Variants in COL26A1 observed in about 807,000 individuals in gnomAD.
COL26A1 encodes collagen alpha-1(XXVI) chain.
COL26A1 carries 41 observed loss-of-function variants against 59.3 expected under a neutral mutation model. The ratio of observed to expected loss-of-function variants is 0.69; its 90% CI spans 0.54 to 0.90. COL26A1 has a LOEUF of 0.90. Ranked by LOEUF, COL26A1 falls within the 40% of genes least tolerant of loss-of-function variation. The pLI is 0.00. For missense variants in COL26A1, 612 were observed against 602.3 expected, an observed-to-expected ratio of 1.02 and a Z score of -0.17; for synonymous variants, 266 against 256.0, an observed-to-expected ratio of 1.04 and a Z score of -0.37.
At chr7:101,430,106 C>CT (rs1792744509) in intron 2 of COL26A1, among the ~76,000 whole-genome samples, 1 of 152,054 alleles carries the variant, frequency 6.6e-6, no homozygotes, top group South Asian at 2.1e-4. Flanking sequence ...ACTTAGATCT[C>CT]TTTTTATTTC....
At chr7:101,406,858 G>A (rs1792139994) in intron 1 of COL26A1, among the ~76,000 whole-genome samples, 1 of 152,138 alleles carries the variant, frequency 6.6e-6, no homozygotes, top group African/African-American at 2.4e-5. Context: ...GCTGAGGCAG[G>A]AGGATTGCTT....
intron 3 of COL26A1, among the ~76,000 whole-genome samples, chr7:101,493,309 G>C (rs1794508331): frequency 7.7e-6 from 1 of 129,520 alleles, no homozygotes; most frequent in African/African-American, 2.9e-5. Flanking sequence ...TTAGGCCCCA[G>C]TACTCCACCC....
intron 1 of COL26A1, among the ~76,000 whole-genome samples, chr7:101,363,601 T>TGGGGCCGG (rs1790961487): frequency 2.0e-5 from 1 of 49,648 alleles, no homozygotes; most frequent in Non-Finnish European, 4.4e-5. Flanking sequence ...GGCTGGGGGT[T>TGGGGCCGG]GGGGCCGCGG....
chr7:101,405,106 C>T (rs914784770), intron 1 of COL26A1, among the ~76,000 whole-genome samples: 52 of 151,326 alleles, frequency 3.4e-4, no homozygotes, highest in African/African-American at 1.2e-3. Flanking sequence ...CCTGTAGTCC[C>T]AGCTACTCAG....
intron 2 of COL26A1, among the ~76,000 whole-genome samples, chr7:101,442,270 G>T (rs1052580689): frequency 6.6e-6 from 1 of 152,002 alleles, no homozygotes; most frequent in African/African-American, 2.4e-5. Flanking sequence ...GCCTGCTTTC[G>T]GCTGGCAGAT....
At position 101,555,836 on chromosome 7, in the gene COL26A1, G is replaced by A. The variant is rs762392368; in HGVS notation, c.1130G>A (p.Arg377Gln). 24 of 1,611,744 alleles carry A rather than the reference G, an allele frequency of 1.5e-5. No homozygotes were observed. Among genetic ancestry groups the A allele is most frequent in the East Asian group, 2.2e-5 (1 of 44,832 alleles). ...LREALKILAE[R>Q]VLILEHMIGI... is the part of the protein sequence containing the mutation. ...GAGGCCCTGAAGATCCTGGCAGAGCGAGTCCTCATCCTGGAGCACATGATT... is the reference window on the plus strand; with the variant it reads ...GAGGCCCTGAAGATCCTGGCAGAGCAAGTCCTCATCCTGGAGCACATGATT... Residue 377 changes from arginine to glutamine, a missense_variant, in exon 12 of 13, where the codon CGA becomes CAA. Coordinates refer to ENST00000313669, the MANE Select transcript of COL26A1 (RefSeq NM_001278563.3).
intron 3 of COL26A1, among the ~76,000 whole-genome samples, chr7:101,500,284 TCTC>T (rs1794675479): frequency 2.0e-5 from 3 of 152,182 alleles, no homozygotes; most frequent in Non-Finnish European, 2.9e-5. Flanking sequence ...TGCTGTGGTC[TCTC>T]CTCCTCTCTG....
At chr7:101,400,202 AG>A (rs944115173) in intron 1 of COL26A1, among the ~76,000 whole-genome samples, 1 of 152,056 alleles carries the variant, frequency 6.6e-6, no homozygotes, top group African/African-American at 2.4e-5. Flanking sequence ...GGTGGGCTAA[AG>A]GCCCAGATGT....
At chr7:101,419,231 T>C (rs1792452515) in intron 1 of COL26A1, among the ~76,000 whole-genome samples, 1 of 151,726 alleles carries the variant, frequency 6.6e-6, no homozygotes, top group African/African-American at 2.4e-5. Flanking sequence ...CCCAGCCTCC[T>C]GAGTAGCTGG....
At chr7:101,402,621 C>CTTTCTT (rs1346985059) in intron 1 of COL26A1, among the ~76,000 whole-genome samples, 1 of 135,226 alleles carries the variant, frequency 7.4e-6, no homozygotes, top group Non-Finnish European at 1.6e-5. Flanking sequence ...TTCTCTTTCT[C>CTTTCTT]TTTCTTTCTC....
At chr7:101,419,339 T>A (rs1792454226) in intron 1 of COL26A1, among the ~76,000 whole-genome samples, 1 of 152,026 alleles carries the variant, frequency 6.6e-6, no homozygotes, top group Non-Finnish European at 1.5e-5. Context: ...CTTGAACTCC[T>A]GGGCTCAAGA....
intron 1 of COL26A1, among the ~76,000 whole-genome samples, chr7:101,415,624 TTTTTG>T (rs904893325): frequency 2.6e-5 from 4 of 151,922 alleles, no homozygotes; most frequent in Admixed American, 6.6e-5. Context: ...TTCTTCCATG[TTTTTG>T]TTTTGTTTTG....
At chr7:101,465,474 G>T (rs956063515) in intron 3 of COL26A1, among the ~76,000 whole-genome samples, 1 of 151,988 alleles carries the variant, frequency 6.6e-6, no homozygotes, top group African/African-American at 2.4e-5. Flanking sequence ...GAGCCACTGC[G>T]CCTGGTCAGG....
At chr7:101,407,811 CAGTT>C (rs921838088) in intron 1 of COL26A1, among the ~76,000 whole-genome samples, 8 of 152,180 alleles carry the variant, frequency 5.3e-5, no homozygotes, top group Non-Finnish European at 1.2e-4. Flanking sequence ...GATAACCCAG[CAGTT>C]AGCACCCCTT....
intron 1 of COL26A1, among the ~76,000 whole-genome samples, chr7:101,380,193 T>C (rs778582592): frequency 6.6e-6 from 1 of 152,062 alleles, no homozygotes; most frequent in Non-Finnish European, 1.5e-5. Context: ...GGTTTCACTA[T>C]ATTGGCCAGG....
chr7:101,545,678 G>A (rs1265412593), intron 7 of COL26A1, among the ~76,000 whole-genome samples, 188 bp downstream of exon 7: 2 of 152,184 alleles, frequency 1.3e-5, no homozygotes, highest in African/African-American at 2.4e-5. Flanking sequence ...TGCCAGTGAC[G>A]ATGACAGGGA....
intron 3 of COL26A1, among the ~76,000 whole-genome samples, chr7:101,506,759 C>T (rs930251481): frequency 3.3e-5 from 5 of 152,304 alleles, no homozygotes; most frequent in Middle Eastern, 3.4e-3. Flanking sequence ...TTGGACCATC[C>T]GGGGATTTCC....
intron 3 of COL26A1, among the ~76,000 whole-genome samples, chr7:101,501,212 GAAAAGAA>G (rs1563014941): frequency 1.8e-3 from 165 of 89,760 alleles, no homozygotes; most frequent in African/African-American, 5.3e-3. Context: ...GAAAAGAAAA[GAAAAGAA>G]AAAAAAAAAA....
In COL26A1 at chr7:101,557,751, C is replaced by T. The variant is rs1796015402; in HGVS notation, c.*221C>T. On this transcript the variant is annotated 3_prime_UTR_variant, in exon 13 of 13. Coordinates refer to ENST00000313669, the MANE Select transcript of COL26A1 (RefSeq NM_001278563.3). ...TCCTCTGGCCTGTCCCCTCCCCTAC[C>T]CCCACTCCCGGCTGGAGACGGGGTC... 4.2e-6 allele frequency: 2 copies of T among 474,362 alleles called. No homozygotes were observed. The highest frequency in any genetic ancestry group is 1.0e-4 in the South Asian group (2 of 19,654). 29.4% of individuals were successfully genotyped at this position (474,362 alleles called of 1,614,324 possible).
Sources: gnomAD v4.1 joint callset for allele counts (sites outside exome capture counted in the v4.1 genomes callset) on GRCh38, gnomAD v4.1.1 for gene constraint, MANE v1.5 for transcripts, NCBI Gene and HGNC (gene_info 2026-07-23, HGNC 2026-07-21) for gene names.